SCRG1: variants seen among roughly 807,000 people sequenced by gnomAD.
The protein encoded by SCRG1 is stimulator of chondrogenesis 1.
A neutral mutation model predicts 7.7 loss-of-function variants in SCRG1; 3 were observed. The ratio of observed to expected loss-of-function variants is 0.39; its 90% CI spans 0.18 to 1.01. SCRG1 has a LOEUF of 1.01. SCRG1 is among the 50% of genes least tolerant of loss of function. The pLI is 0.36. For synonymous variants in SCRG1, 46 were observed against 41.2 expected, an observed-to-expected ratio of 1.12 and a Z score of -0.44; for missense variants, 110 against 117.2, an observed-to-expected ratio of 0.94 and a Z score of 0.28.
chr4:173,503,195 A>G, the SCRG1 span, among the ~76,000 whole-genome samples: 1 of 152,290 alleles, frequency 6.6e-6, no homozygotes, highest in East Asian at 1.9e-4. The surrounding 1 kb of genome is among the most constrained non-coding windows in gnomAD (Gnocchi z 6.4). Flanking sequence ...GCCCCCAGTC[A>G]TATACATGAG....
upstream of SCRG1, chr4:173,403,015 C>T (rs937186005): frequency 3.3e-5 from 5 of 152,142 alleles, no homozygotes; most frequent in Non-Finnish European, 5.9e-5. Flanking sequence ...AAAGAGTTTC[C>T]TCTTTGATTA....
chr4:173,432,317 C>CCCTTCCTTCCTTCCTT, the SCRG1 span, among the ~76,000 whole-genome samples: 4 of 123,370 alleles, frequency 3.2e-5, no homozygotes, highest in African/African-American at 1.2e-4. Context: ...CTCCCTCCTT[C>CCCTTCCTTCCTTCCTT]CCTTCCTTCC....
the SCRG1 span, among the ~76,000 whole-genome samples, chr4:173,450,434 T>C: frequency 6.6e-6 from 1 of 152,188 alleles, no homozygotes; most frequent in Non-Finnish European, 1.5e-5. Context: ...CCTGAGCCAC[T>C]GCAAATATCT....
the SCRG1 span, among the ~76,000 whole-genome samples, chr4:173,518,196 G>A: frequency 5.9e-5 from 9 of 152,282 alleles, no homozygotes; most frequent in Admixed American, 4.6e-4. Context: ...GGGAGGGCAG[G>A]AATGGGTGGG....
upstream of SCRG1, among the ~76,000 whole-genome samples, chr4:173,400,341 T>C (rs991094587): frequency 6.6e-6 from 1 of 152,126 alleles, no homozygotes; most frequent in Non-Finnish European, 1.5e-5. Context: ...AAAAAGGATA[T>C]AAAAGGAATA....
chr4:173,467,525 C>G, the SCRG1 span, among the ~76,000 whole-genome samples: 1 of 152,138 alleles, frequency 6.6e-6, no homozygotes, highest in Non-Finnish European at 1.5e-5. Flanking sequence ...CACCTGAGGC[C>G]AGATTTTTGT....
the SCRG1 span, among the ~76,000 whole-genome samples, chr4:173,431,286 C>G: frequency 5.7e-4 from 87 of 152,200 alleles, 1 homozygote; most frequent in East Asian, 0.011. Context: ...GGGCAGGGCT[C>G]CTGGCCTTTG....
the SCRG1 span, chr4:173,469,358 T>TA: frequency 6.6e-6 from 1 of 152,130 alleles, no homozygotes; most frequent in Non-Finnish European, 1.5e-5. Flanking sequence ...GATAATAATA[T>TA]AAAATAAATG....
chr4:173,394,516 C>A (rs1018342968), intron 1 of SCRG1, among the ~76,000 whole-genome samples: 1 of 151,978 alleles, frequency 6.6e-6, no homozygotes, highest in Non-Finnish European at 1.5e-5. Flanking sequence ...TGGTGGCGAG[C>A]GCCTGTAGTC....
At chr4:173,428,764 A>G in the SCRG1 span, among the ~76,000 whole-genome samples, 3,164 of 152,328 alleles carry the variant, frequency 0.021, 93 homozygotes, top group African/African-American at 0.068. Flanking sequence ...TAACCAGTAC[A>G]TTAGTTGTAA....
chr4:173,446,580 C>A, the SCRG1 span: 1 of 152,122 alleles, frequency 6.6e-6, no homozygotes, highest in South Asian at 2.1e-4. Flanking sequence ...GTTTCCATAC[C>A]CATAAACATT....
the SCRG1 span, among the ~76,000 whole-genome samples, chr4:173,453,629 A>G: frequency 2.6e-5 from 4 of 152,260 alleles, no homozygotes; most frequent in Non-Finnish European, 5.9e-5. Context: ...TAGAAAAGGT[A>G]CATTAAAAAA....
the SCRG1 span, among the ~76,000 whole-genome samples, chr4:173,480,924 C>T: frequency 1.3e-5 from 2 of 151,864 alleles, no homozygotes; most frequent in African/African-American, 4.8e-5. Flanking sequence ...TTCTATTTCT[C>T]TGCATGTTTG....
At chr4:173,455,950 G>A in the SCRG1 span, among the ~76,000 whole-genome samples, 4 of 152,174 alleles carry the variant, frequency 2.6e-5, no homozygotes, top group African/African-American at 9.6e-5. Context: ...GATTTCCCCA[G>A]GAGCATGGTA....
the SCRG1 span, among the ~76,000 whole-genome samples, chr4:173,483,207 TATATCATATAATATATATATTATA>T: frequency 6.5e-5 from 4 of 61,756 alleles, 1 homozygote; most frequent in Non-Finnish European, 1.0e-4. Flanking sequence ...TATTATATGA[TATATCATATAATATATATATTATA>T]TATAATATAT....
At chr4:173,485,199 ATG>A in the SCRG1 span, among the ~76,000 whole-genome samples, 16 of 30,794 alleles carry the variant, frequency 5.2e-4, 3 homozygotes, top group African/African-American at 1.3e-3. Flanking sequence ...TGTAATATAT[ATG>A]ATATATTATA....
the SCRG1 span, among the ~76,000 whole-genome samples, chr4:173,477,022 G>A: frequency 6.6e-6 from 1 of 152,202 alleles, no homozygotes; most frequent in Non-Finnish European, 1.5e-5. Context: ...ACCTGGAACA[G>A]AAGGAAGGAA....
At chr4:173,416,739 G>T in the SCRG1 span, among the ~76,000 whole-genome samples, 1 of 152,166 alleles carries the variant, frequency 6.6e-6, no homozygotes, top group Admixed American at 6.5e-5. Context: ...TCGTGTGACG[G>T]CCTCTAGGAC....
chr4:173,475,035 A>G, the SCRG1 span, among the ~76,000 whole-genome samples: 1 of 150,352 alleles, frequency 6.7e-6, no homozygotes, highest in African/African-American at 2.5e-5. Context: ...ATATTTTGAA[A>G]TCTCTCTCTC....
Sources: allele counts gnomAD v4.1 joint callset (sites outside exome capture counted in the v4.1 genomes callset), GRCh38; gene constraint gnomAD v4.1.1; non-coding constraint Gnocchi (gnomAD v3.1); transcripts MANE v1.5; gene names NCBI Gene and HGNC (gene_info 2026-07-23, HGNC 2026-07-21).